Variants in ATP8B4 observed in about 807,000 individuals in gnomAD.
ATP8B4 encodes ATPase phospholipid transporting 8B4 (putative).
In ATP8B4, 133 loss-of-function variants were observed where a neutral mutation model predicts 145.6. The observed-to-expected ratio is 0.91, with a 90% CI of 0.79 to 1.05. The LOEUF is 1.05. ATP8B4 is among the 50% of genes least tolerant of loss of function. The probability of loss-of-function intolerance (pLI) is 0.00; values close to 1 mark genes in which losing one functional copy is unlikely to be tolerated. For missense variants in ATP8B4, 1,458 were observed against 1,425.2 expected (o/e 1.02, Z -0.37); for synonymous variants, 507 against 492.9 (o/e 1.03, Z -0.38).
chr15:49,978,783 CACAT>C (rs1307063597), intron 12 of ATP8B4, among the ~76,000 whole-genome samples: 60 of 140,280 alleles, frequency 4.3e-4, no homozygotes, highest in Middle Eastern at 3.6e-3. Flanking sequence ...CACACACACA[CACAT>C]GCATACATAT....
intron 7 of ATP8B4, 138 bp from the exon 8 acceptor site, chr15:50,002,361 C>T: frequency 1.5e-6 from 1 of 657,722 alleles, no homozygotes; most frequent in Non-Finnish European, 2.5e-6. Flanking sequence ...TCCTGTTCTA[C>T]CTCTATGTCA....
Position 50,107,077 on chromosome 15 carries a change from C to A in ATP8B4, c.-42-69G>T, listed in dbSNP as rs2056721683. 5 of 1,044,726 alleles carry A rather than the reference C, an allele frequency of 4.8e-6. No individual in the cohort carries two copies. In the South Asian group the frequency reaches 6.0e-5, roughly 12 times the overall value. 64.7% of individuals were successfully genotyped at this position (1,044,726 alleles called of 1,614,324 possible). A position where few individuals can be genotyped will look rare whatever the true frequency, so the allele number is the denominator to read the frequency against. ...ATAACTATAAATTTACCTCCTTTAA[C>A]TTTCTTCCTAGACAAATCTAGGTAA... is the stretch of plus-strand genomic sequence containing the variant. On this transcript the variant is annotated intron_variant, in intron 1 of 27. Transcript: ENST00000284509.
chr15:50,162,322 A>T (rs1442757745), intron 1 of ATP8B4, among the ~76,000 whole-genome samples: 2 of 150,544 alleles, frequency 1.3e-5, no homozygotes, highest in Non-Finnish European at 3.0e-5. Context: ...TTATTTATAT[A>T]TATACTTTAT....
chr15:49,955,056 T>C (rs1318057182), intron 14 of ATP8B4, among the ~76,000 whole-genome samples: 1 of 152,192 alleles, frequency 6.6e-6, no homozygotes, highest in Non-Finnish European at 1.5e-5. Context: ...GCCATTATCT[T>C]AAGCAAACGT....
chr15:49,975,854 A>C (rs2045610589), intron 12 of ATP8B4, among the ~76,000 whole-genome samples: 1 of 152,066 alleles, frequency 6.6e-6, no homozygotes, highest in South Asian at 2.1e-4. Flanking sequence ...TGGATATTTC[A>C]GTTTCACGTC....
At chr15:50,111,379 AGAGT>A (rs1016407961) in intron 1 of ATP8B4, among the ~76,000 whole-genome samples, 1 of 152,226 alleles carries the variant, frequency 6.6e-6, no homozygotes, top group Non-Finnish European at 1.5e-5. Context: ...CCTGACAGTT[AGAGT>A]ATGTATTTTA....
At chr15:50,097,017 T>C (rs762178608) in intron 2 of ATP8B4, among the ~76,000 whole-genome samples, 25 of 152,136 alleles carry the variant, frequency 1.6e-4, no homozygotes, top group Admixed American at 1.0e-3. Context: ...GATGACTTTT[T>C]AAAACATGAT....
chr15:49,980,108 G>A (rs1485515697), intron 11 of ATP8B4, among the ~76,000 whole-genome samples: 2 of 152,130 alleles, frequency 1.3e-5, no homozygotes, highest in East Asian at 3.8e-4. Flanking sequence ...ACTTGTCTAT[G>A]TTCATAGACA....
At chr15:49,863,112 G>C (rs912976903) in intron 26 of ATP8B4, among the ~76,000 whole-genome samples, 2 of 152,164 alleles carry the variant, frequency 1.3e-5, no homozygotes, top group Non-Finnish European at 2.9e-5. Context: ...GTCATAAAAG[G>C]GGAGCTTTAT....
chr15:49,860,460 T>G lies in ATP8B4; in HGVS notation c.3313A>C (p.Lys1105Gln), dbSNP rs757377430. Residue 1105 changes from lysine to glutamine, a missense_variant, in exon 28 of 28, where the codon AAG becomes CAG. By Grantham distance (53) the Lys-to-Gln change is moderately conservative (BLOSUM62 1). Coordinates refer to ENST00000284509, the MANE Select transcript of ATP8B4 (RefSeq NM_024837.4). ...GGAGGCCTTGCCTTCTTTTGAGCCT[T>G]CTGCCACCGGCGGATCTGGAGAGAA... The part of the protein sequence containing the change: ...TLSDQIRRWQ[K>Q]AQKKARPPSS... 2 of 1,611,220 alleles carry G rather than the reference T, an allele frequency of 1.2e-6. No individual in the cohort carries two copies. The highest frequency in any genetic ancestry group is 2.2e-5 in the South Asian group (2 of 90,672).
chr15:50,022,236 G>A (rs938799910), intron 6 of ATP8B4, among the ~76,000 whole-genome samples: 4 of 152,016 alleles, frequency 2.6e-5, no homozygotes, highest in African/African-American at 4.8e-5. Context: ...CACATTTTTA[G>A]TTGATAAATT....
intron 13 of ATP8B4, among the ~76,000 whole-genome samples, chr15:49,968,157 G>A (rs1490124209): frequency 6.6e-6 from 1 of 152,176 alleles, no homozygotes; most frequent in Admixed American, 6.5e-5. Flanking sequence ...ACCCATACCA[G>A]CCACTGCAAA....
chr15:50,001,393 G>C (rs2047882613), intron 8 of ATP8B4, among the ~76,000 whole-genome samples: 1 of 152,178 alleles, frequency 6.6e-6, no homozygotes, highest in Non-Finnish European at 1.5e-5. Flanking sequence ...AGCTCAATAT[G>C]ACAATAATTT....
At chr15:50,008,165 T>C (rs144842198) in intron 7 of ATP8B4, among the ~76,000 whole-genome samples, 1 of 152,202 alleles carries the variant, frequency 6.6e-6, no homozygotes, top group East Asian at 1.9e-4. Flanking sequence ...TTTGCTTCTA[T>C]AAAATTGATA....
intron 3 of ATP8B4, among the ~76,000 whole-genome samples, chr15:50,052,835 G>A (rs1041735853): frequency 1.8e-4 from 27 of 152,208 alleles, no homozygotes; most frequent in African/African-American, 4.8e-4. Flanking sequence ...AATTTTAGTC[G>A]TCCTTATTAT....
At chr15:50,048,271 G>A (rs981577531) in intron 3 of ATP8B4, among the ~76,000 whole-genome samples, 1 of 152,030 alleles carries the variant, frequency 6.6e-6, no homozygotes. Context: ...ATGCTTGTCG[G>A]GGGGCACTTA....
intron 4 of ATP8B4, 37 bp from the exon 5 acceptor site, chr15:50,044,729 A>G: frequency 6.8e-7 from 1 of 1,461,462 alleles, no homozygotes; most frequent in East Asian, 2.3e-5. Flanking sequence ...GGGCTTTTAA[A>G]GTTAGAAAAT....
intron 2 of ATP8B4, among the ~76,000 whole-genome samples, chr15:50,086,554 A>G (rs1170649586): frequency 5.9e-5 from 6 of 101,098 alleles, no homozygotes; most frequent in African/African-American, 2.9e-4. Context: ...ATAAAATAAT[A>G]TAGAGATCTA....
intron 2 of ATP8B4, among the ~76,000 whole-genome samples, chr15:50,074,567 A>AT (rs1199757085): frequency 6.6e-6 from 1 of 152,204 alleles, no homozygotes; most frequent in Non-Finnish European, 1.5e-5. Context: ...AAAGTCACAA[A>AT]ATATAACATA....
Sources: allele counts gnomAD v4.1 joint callset (sites outside exome capture counted in the v4.1 genomes callset), GRCh38; gene constraint gnomAD v4.1.1; transcripts MANE v1.5; gene names NCBI Gene and HGNC (gene_info 2026-07-23, HGNC 2026-07-21).